CPN1: variants seen among roughly 807,000 people sequenced by gnomAD.
CPN1 encodes the protein carboxypeptidase N catalytic chain.
Under a neutral mutation model 46.4 loss-of-function variants are expected in CPN1, and 37 were observed. That is an observed-to-expected ratio of 0.80 (90% CI 0.61 to 1.05). The LOEUF is 1.05. Among genes scored for constraint, CPN1 ranks in the 50% least tolerant of loss-of-function variants. The probability of loss-of-function intolerance (pLI) is 0.00; values close to 1 mark genes in which losing one functional copy is unlikely to be tolerated. For synonymous variants in CPN1, 224 were observed against 235.4 expected (o/e 0.95, Z 0.44); for missense variants, 563 against 602.6 (o/e 0.93, Z 0.69).
intron 2 of CPN1, among the ~76,000 whole-genome samples, chr10:100,075,050 G>A (rs2041506158): frequency 6.6e-6 from 1 of 152,154 alleles, no homozygotes; most frequent in African/African-American, 2.4e-5. Context: ...AGCACTTTGG[G>A]AGGCTGAGGT....
chr10:100,059,945 G>T (rs976152273), intron 5 of CPN1, among the ~76,000 whole-genome samples: 1 of 152,112 alleles, frequency 6.6e-6, no homozygotes, highest in Non-Finnish European at 1.5e-5. Context: ...GCCATAACAT[G>T]GATGAACTTT....
intron 6 of CPN1, among the ~76,000 whole-genome samples, chr10:100,054,841 C>CTTTTTTTTTTT (rs56250435): frequency 1.5e-5 from 2 of 132,750 alleles, no homozygotes; most frequent in Non-Finnish European, 3.2e-5. Flanking sequence ...TTCTTTCTTT[C>CTTTTTTTTTTT]TTTTTTTTTT....
intron 1 of CPN1, among the ~76,000 whole-genome samples, chr10:100,078,340 C>T (rs1160866009): frequency 6.6e-6 from 1 of 152,210 alleles, no homozygotes; most frequent in African/African-American, 2.4e-5. Flanking sequence ...CCACAGCTGG[C>T]CTCTACTTTC....
chr10:100,064,785 T>C (rs2041443509), intron 4 of CPN1, among the ~76,000 whole-genome samples: 1 of 152,160 alleles, frequency 6.6e-6, no homozygotes, highest in Admixed American at 6.5e-5. Flanking sequence ...TGTAGTCTAT[T>C]TTTCTTTTTT....
At chr10:100,066,525 T>C (rs576946492) in intron 3 of CPN1, among the ~76,000 whole-genome samples, 1 of 152,320 alleles carries the variant, frequency 6.6e-6, no homozygotes, top group East Asian at 1.9e-4. Context: ...AGACATACTG[T>C]CAGATGGGCC....
chr10:100,064,870 T>C (rs959736067), intron 4 of CPN1, among the ~76,000 whole-genome samples: 13 of 152,182 alleles, frequency 8.5e-5, no homozygotes, highest in Admixed American at 8.5e-4. Context: ...AATTCTACTT[T>C]AGACCCCCCC....
At chr10:100,062,386 G>A (rs2041424870) in intron 5 of CPN1, among the ~76,000 whole-genome samples, 1 of 152,124 alleles carries the variant, frequency 6.6e-6, no homozygotes. Flanking sequence ...CCTGCTTGTG[G>A]GGGCCTGGCA....
chr10:100,065,480 G>T, intron 3 of CPN1, 110 bp from the exon 4 acceptor site: 1 of 1,141,460 alleles, frequency 8.8e-7, no homozygotes, highest in South Asian at 1.4e-5. Context: ...ATGTCTGAAT[G>T]AAACATTGAG....
Position 100,048,938 on chromosome 10 carries a change from G to A in CPN1, c.1112-62C>T, listed in dbSNP as rs78940928. On this transcript the variant is annotated intron_variant, in intron 7 of 8. Transcript: ENST00000370418. ...AAAAATCTGTCCCAAATAAGCTAGG[G>A]TTTTTATCTGACTACAAGGTTGGCT... 7,200 of 1,278,114 alleles carry A rather than the reference G, an allele frequency of 5.6e-3. 248 individuals carry two copies. In the African/African-American group the frequency reaches 0.08, roughly 14 times the overall value. 79.2% of individuals were successfully genotyped at this position (1,278,114 alleles called of 1,614,324 possible).
At chr10:100,059,888 T>C (rs906137480) in intron 5 of CPN1, among the ~76,000 whole-genome samples, 1 of 152,186 alleles carries the variant, frequency 6.6e-6, no homozygotes, top group African/African-American at 2.4e-5. Context: ...TATAAACGTA[T>C]AATGGAATAT....
At chr10:100,054,847 T>C (rs760043976) in intron 6 of CPN1, among the ~76,000 whole-genome samples, 4,880 of 150,768 alleles carry the variant, frequency 0.032, 113 homozygotes, top group Middle Eastern at 0.15. Context: ...CTTTCTTTTT[T>C]TTTTTTTTTT....
At chr10:100,052,631 T>C (rs1281866237) in intron 7 of CPN1, among the ~76,000 whole-genome samples, 1 of 152,008 alleles carries the variant, frequency 6.6e-6, no homozygotes, top group African/African-American at 2.4e-5. Flanking sequence ...TTTGGGAGGC[T>C]GAGGCAGGCA....
At chr10:100,070,006 T>A in intron 2 of CPN1, 137 bp from the exon 3 acceptor site, 2 of 946,848 alleles carry the variant, frequency 2.1e-6, no homozygotes, top group South Asian at 2.9e-5. Context: ...TACTGCAACC[T>A]CTACCTACTG....
intron 5 of CPN1, among the ~76,000 whole-genome samples, chr10:100,059,591 TCA>T (rs2041405462): frequency 1.6e-5 from 1 of 63,882 alleles, no homozygotes. Flanking sequence ...ATGGCTACTA[TCA>T]AAAAAAAAAA....
In CPN1 at chr10:100,081,395, G is replaced by A. The variant is rs1288954208; in HGVS notation, c.223+8C>T. The A allele has an allele frequency of 6.2e-7, 1 of 1,610,480 alleles. No individual in the cohort carries two copies. Among genetic ancestry groups the A allele is most frequent in the Non-Finnish European group, 8.5e-7 (1 of 1,178,696 alleles). On this transcript the variant is annotated splice_region_variant and intron_variant, in intron 1 of 8. Coordinates refer to ENST00000370418, the MANE Select transcript of CPN1 (RefSeq NM_001308.3). ...CCCACACACCCTCAAGAGCTGTTCAGAACTTACAGGGCTCGTGGATTCCAG... is the reference window on the plus strand; with the variant it reads ...CCCACACACCCTCAAGAGCTGTTCAAAACTTACAGGGCTCGTGGATTCCAG...
intron 7 of CPN1, 22 bp from the exon 8 acceptor site, chr10:100,048,898 C>T (rs1481323325): frequency 6.5e-7 from 1 of 1,547,392 alleles, no homozygotes; most frequent in Non-Finnish European, 8.9e-7. Flanking sequence ...AAAGATATAA[C>T]TCAGTCTACT....
intron 5 of CPN1, among the ~76,000 whole-genome samples, chr10:100,062,303 G>A (rs1163098512): frequency 6.6e-6 from 1 of 152,198 alleles, no homozygotes; most frequent in Non-Finnish European, 1.5e-5. Flanking sequence ...CCAGGGGATA[G>A]AGACAGAAGT....
intron 5 of CPN1, among the ~76,000 whole-genome samples, chr10:100,063,413 G>A (rs2041432330): frequency 6.6e-6 from 1 of 152,172 alleles, no homozygotes; most frequent in Non-Finnish European, 1.5e-5. Flanking sequence ...GAGCCACTGT[G>A]CCCAGCCATC....
intron 1 of CPN1, among the ~76,000 whole-genome samples, chr10:100,079,893 TG>T (rs1365130673): frequency 6.6e-6 from 1 of 152,158 alleles, no homozygotes; most frequent in Non-Finnish European, 1.5e-5. Flanking sequence ...GAGACCAGCC[TG>T]GCCAACACGG....
Sources: allele counts gnomAD v4.1 joint callset (sites outside exome capture counted in the v4.1 genomes callset), GRCh38; gene constraint gnomAD v4.1.1; transcripts MANE v1.5; gene names NCBI Gene and HGNC (gene_info 2026-07-23, HGNC 2026-07-21).